Variants in C7orf78 observed in about 807,000 individuals in gnomAD.
C7orf78 encodes the protein chromosome 7 open reading frame 78.
the C7orf78 span, chr7:12,483,937 G>C: frequency 1.3e-5 from 2 of 150,588 alleles, no homozygotes; most frequent in African/African-American, 2.4e-5. Flanking sequence ...AATGGCAGCA[G>C]ACATACATTT....
chr7:12,505,739 C>A, the C7orf78 span, among the ~76,000 whole-genome samples: 1 of 151,990 alleles, frequency 6.6e-6, no homozygotes, highest in Non-Finnish European at 1.5e-5. Flanking sequence ...TTTCTCTAAT[C>A]TTTAGTTTTT....
the C7orf78 span, chr7:12,496,337 C>T: frequency 6.6e-6 from 1 of 152,204 alleles, no homozygotes; most frequent in African/African-American, 2.4e-5. Context: ...TAATTGAAGT[C>T]AGTTGGCCAC....
the C7orf78 span, among the ~76,000 whole-genome samples, chr7:12,525,224 C>T: frequency 2.0e-5 from 3 of 152,002 alleles, no homozygotes; most frequent in Non-Finnish European, 1.5e-5. Context: ...GAGTAGAGAC[C>T]TTTGTGATGT....
the C7orf78 span, among the ~76,000 whole-genome samples, chr7:12,487,518 T>G: frequency 6.6e-6 from 1 of 152,064 alleles, no homozygotes; most frequent in African/African-American, 2.4e-5. Flanking sequence ...ACTCCTCCAT[T>G]TATTTCCTGT....
the C7orf78 span, among the ~76,000 whole-genome samples, chr7:12,513,431 G>A: frequency 3.3e-5 from 5 of 151,942 alleles, no homozygotes; most frequent in African/African-American, 1.2e-4. Flanking sequence ...GTATCCCACA[G>A]CTTTTGGTAT....
the C7orf78 span, among the ~76,000 whole-genome samples, chr7:12,533,738 G>T: frequency 0.096 from 14,651 of 151,886 alleles, 1,253 homozygotes; most frequent in African/African-American, 0.23. Context: ...GGATGGTCTC[G>T]ATCTCCTGAC....
the C7orf78 span, chr7:12,522,856 T>C: frequency 2.1e-3 from 839 of 396,102 alleles, 7 homozygotes; most frequent in African/African-American, 0.016. Context: ...CCCTGTCATT[T>C]CTGAGCTTTT....
the C7orf78 span, among the ~76,000 whole-genome samples, chr7:12,515,184 T>A: frequency 1.3e-5 from 2 of 152,186 alleles, no homozygotes; most frequent in Non-Finnish European, 2.9e-5. Flanking sequence ...TGTACTCCCA[T>A]AATTCCCATG....
chr7:12,519,471 C>A, the C7orf78 span, among the ~76,000 whole-genome samples: 1 of 152,178 alleles, frequency 6.6e-6, no homozygotes, highest in African/African-American at 2.4e-5. Context: ...CTTCCAGCTC[C>A]AGTCAGACAG....
At chr7:12,526,062 C>T in the C7orf78 span, among the ~76,000 whole-genome samples, 492 of 152,042 alleles carry the variant, frequency 3.2e-3, 8 homozygotes, top group Admixed American at 8.5e-3. Flanking sequence ...TGCAACAATA[C>T]GTTTACTTTT....
chr7:12,528,904 C>A, the C7orf78 span: 1 of 398,418 alleles, frequency 2.5e-6, no homozygotes, highest in Non-Finnish European at 4.4e-6. Context: ...ATCTCTAGTA[C>A]ATGGGTACCA....
At chr7:12,498,175 G>A in the C7orf78 span, among the ~76,000 whole-genome samples, 7,418 of 152,022 alleles carry the variant, frequency 0.049, 235 homozygotes, top group Middle Eastern at 0.12. Flanking sequence ...AAAGCAGAGC[G>A]CCTCTCCTCC....
the C7orf78 span, among the ~76,000 whole-genome samples, chr7:12,533,473 T>C: frequency 1.3e-5 from 2 of 151,484 alleles, no homozygotes; most frequent in African/African-American, 4.9e-5. Context: ...AGTGCTGGGA[T>C]TACAGGTGTG....
the C7orf78 span, among the ~76,000 whole-genome samples, chr7:12,492,850 C>T: frequency 6.6e-6 from 1 of 152,186 alleles, no homozygotes; most frequent in Admixed American, 6.5e-5. Flanking sequence ...AATAGTCTTA[C>T]TTTAGGAAAG....
chr7:12,512,527 T>C, the C7orf78 span, among the ~76,000 whole-genome samples: 1 of 152,188 alleles, frequency 6.6e-6, no homozygotes, highest in African/African-American at 2.4e-5. Context: ...TTTTCAGCCC[T>C]GGTATAAATC....
chr7:12,530,198 G>A, the C7orf78 span, among the ~76,000 whole-genome samples: 1 of 152,128 alleles, frequency 6.6e-6, no homozygotes, highest in Non-Finnish European at 1.5e-5. Context: ...TGGGGGTTGT[G>A]GAAGCCAAGG....
chr7:12,521,152 C>A, the C7orf78 span, among the ~76,000 whole-genome samples: 1 of 151,904 alleles, frequency 6.6e-6, no homozygotes, highest in Non-Finnish European at 1.5e-5. Context: ...TAATTGAGTC[C>A]TTTTTTAATC....
the C7orf78 span, among the ~76,000 whole-genome samples, chr7:12,532,548 CAAAAAAA>C: frequency 1.5e-5 from 2 of 136,000 alleles, no homozygotes; most frequent in African/African-American, 2.8e-5. Flanking sequence ...GACTCTGTTT[CAAAAAAA>C]AAAAAAAGAA....
chr7:12,540,669 C>T, the C7orf78 span, among the ~76,000 whole-genome samples: 2 of 152,102 alleles, frequency 1.3e-5, no homozygotes, highest in Non-Finnish European at 2.9e-5. Context: ...TAAATTTGAC[C>T]GTTTGGCCAA....
Sources: gnomAD v4.1 joint callset for allele counts (sites outside exome capture counted in the v4.1 genomes callset) on GRCh38, gnomAD v4.1.1 for gene constraint, MANE v1.5 for transcripts, NCBI Gene and HGNC (gene_info 2026-07-23, HGNC 2026-07-21) for gene names.